The following BAG4 variants were observed in gnomAD, a reference collection of about 807,000 sequenced individuals.
BAG4 encodes the protein BAG cochaperone 4.
Under a neutral mutation model 52.1 loss-of-function variants are expected in BAG4, and 28 were observed. The ratio of observed to expected loss-of-function variants is 0.54; its 90% CI spans 0.40 to 0.74. The LOEUF (loss-of-function observed/expected upper bound fraction) is 0.74, where lower values mean the gene tolerates loss of function less well. Ranked by LOEUF, BAG4 falls within the 30% of genes least tolerant of loss-of-function variation. The probability of loss-of-function intolerance (pLI) is 0.00; values close to 1 mark genes in which losing one functional copy is unlikely to be tolerated. For synonymous variants in BAG4, 208 were observed against 217.0 expected, an observed-to-expected ratio of 0.96 and a Z score of 0.37; for missense variants, 525 against 572.0, an observed-to-expected ratio of 0.92 and a Z score of 0.84.
chr8:38,177,255 G>T, intron 1 of BAG4, 116 bp downstream of exon 1: 8 of 1,379,270 alleles, frequency 5.8e-6, no homozygotes, highest in Non-Finnish European at 6.8e-6. Flanking sequence ...GTTGCGGGGG[G>T]TGTTGGAGAG....
chr8:38,181,885 T>A (rs2130661305), intron 1 of BAG4, among the ~76,000 whole-genome samples: 3 of 25,170 alleles, frequency 1.2e-4, no homozygotes, highest in South Asian at 1.4e-3. Flanking sequence ...CGAGACTATC[T>A]CAAAAAAAAA....
intron 1 of BAG4, among the ~76,000 whole-genome samples, chr8:38,180,097 T>A (rs1803236651): frequency 6.6e-6 from 1 of 152,196 alleles, no homozygotes; most frequent in Non-Finnish European, 1.5e-5. Flanking sequence ...TAGTTGGAGA[T>A]AAAGGTGGAA....
intron 4 of BAG4, among the ~76,000 whole-genome samples, 189 bp from the exon 5 acceptor site, chr8:38,209,819 G>C (rs561370150): frequency 2.6e-5 from 4 of 152,300 alleles, no homozygotes. Context: ...TTGTCTGACA[G>C]GGCACTCCCT....
chr8:38,177,090 C>T lies in BAG4; in HGVS notation c.221C>T (p.Pro74Leu), dbSNP rs768542077. 5 of 1,612,684 alleles carry T rather than the reference C, an allele frequency of 3.1e-6. No individual in the cohort carries two copies. In the South Asian group the frequency reaches 4.4e-5, roughly 14 times the overall value. Residue 74 changes from proline to leucine, a missense_variant, in exon 1 of 5, where the codon CCC becomes CTC. Coordinates refer to ENST00000287322, the MANE Select transcript of BAG4 (RefSeq NM_004874.4). ...GGCGGAGGAGGCGATGGCTACTATCCCTCGGGAGGCGCCTGGCCAGAGCCT... is the reference window on the plus strand; with the variant it reads ...GGCGGAGGAGGCGATGGCTACTATCTCTCGGGAGGCGCCTGGCCAGAGCCT... ...GEGGGGDGYY[P>L]SGGAWPEPGR... is the part of the protein sequence containing the mutation.
At chr8:38,194,964 G>C (rs10958541) in intron 2 of BAG4, among the ~76,000 whole-genome samples, 36,255 of 142,820 alleles carry the variant, frequency 0.25, 4,533 homozygotes, top group East Asian at 0.33. Context: ...ACGCCATTCT[G>C]CTGCCTCAGC....
At chr8:38,188,654 TATATACATGTATACATATACATGTATAC>T (rs1405338308) in intron 1 of BAG4, among the ~76,000 whole-genome samples, 1 of 830 alleles carries the variant, frequency 1.2e-3, no homozygotes, top group Non-Finnish European at 3.0e-3. Context: ...CATGTATACA[TATATACATGTATACATATACATGTATAC>T]ATATATACAT....
chr8:38,201,913 A>T (rs1803686089), intron 2 of BAG4: 1 of 65,682 alleles, frequency 1.5e-5, no homozygotes, highest in Non-Finnish European at 2.8e-5. Context: ...TTTTTTTAAG[A>T]AGCTGTTAAT....
intron 1 of BAG4, among the ~76,000 whole-genome samples, chr8:38,178,856 C>T (rs1213139265): frequency 1.3e-5 from 2 of 152,096 alleles, no homozygotes; most frequent in Non-Finnish European, 2.9e-5. Context: ...AAATCAGGGC[C>T]TGGTGAGATG....
At chr8:38,181,149 G>T (rs1036891101) in intron 1 of BAG4, among the ~76,000 whole-genome samples, 1 of 151,136 alleles carries the variant, frequency 6.6e-6, no homozygotes, top group Non-Finnish European at 1.5e-5. Flanking sequence ...CACCGTGTCA[G>T]CCAGGATGGT....
intron 2 of BAG4, among the ~76,000 whole-genome samples, chr8:38,204,733 A>C (rs1047831043): frequency 6.6e-6 from 1 of 152,116 alleles, no homozygotes; most frequent in Non-Finnish European, 1.5e-5. Flanking sequence ...AATGAGAATC[A>C]CACACTAAAG....
chr8:38,199,035 G>C (rs147098283), intron 2 of BAG4, among the ~76,000 whole-genome samples: 1 of 152,266 alleles, frequency 6.6e-6, no homozygotes, highest in Non-Finnish European at 1.5e-5. Context: ...TACATGCTAA[G>C]ATAATGATAA....
rs1199699003 is a variant in BAG4, at chr8:38,177,059, G to A, written c.190G>A (p.Gly64Arg). 1.2e-6 allele frequency: 2 copies of A among 1,610,746 alleles called. No homozygotes were observed. The highest frequency in any genetic ancestry group is 1.7e-4 in the Middle Eastern group (1 of 6,054). Residue 64 changes from glycine to arginine, a missense_variant, in exon 1 of 5, where the codon GGA becomes AGA. Transcript: ENST00000287322. ...CGGCCCGGCGGAGACCACCTGGCTG[G>A]GAGAAGGCGGAGGAGGCGATGGCTA... ...GGGPAETTWL[G>R]EGGGGDGYYP...
rs1482685022 is a variant in BAG4, at chr8:38,210,051, G to A, written c.932G>A (p.Arg311Gln). 4 of 1,614,088 alleles carry A rather than the reference G, an allele frequency of 2.5e-6. No individual in the cohort carries two copies. Among genetic ancestry groups the A allele is most frequent in the Non-Finnish European group, 2.5e-6 (3 of 1,180,032 alleles). ...PYSQSDQSMN[R>Q]HNFPCSVHQY... Reference sequence around the variant, plus strand: ...AGCCAATCAGATCAAAGCATGAACCGGCACAACTTTCCTTGCAGTGTCCAT... The same window carrying A: ...AGCCAATCAGATCAAAGCATGAACCAGCACAACTTTCCTTGCAGTGTCCAT... The change falls in exon 5 of 5, where the codon CGG becomes CAG. Residue 311 changes from arginine (R) to glutamine (Q), a missense_variant. Arg to Gln is a conservative substitution (Grantham distance 43). Coordinates refer to ENST00000287322, the MANE Select transcript of BAG4 (RefSeq NM_004874.4).
chr8:38,194,329 C>T lies in BAG4; in HGVS notation c.378+1534C>T, dbSNP rs1302697734. Among the ~76,000 whole-genome samples the T allele has an allele frequency of 5.3e-5, 8 of 149,596 alleles. No individual in the cohort carries two copies. The South Asian group carries it at 8.4e-4, about 16-fold the overall frequency. On this transcript the variant is annotated intron_variant, in intron 2 of 4. Coordinates refer to ENST00000287322, the MANE Select transcript of BAG4 (RefSeq NM_004874.4). ...CCTGCAGCTTGCTTCTTTTGCTCAT[C>T]GTTGGTTTTCATCTTTCTGTTATAT...
intron 1 of BAG4, among the ~76,000 whole-genome samples, chr8:38,190,192 G>A (rs1365584896): frequency 1.3e-5 from 2 of 151,946 alleles, no homozygotes; most frequent in African/African-American, 2.4e-5. Flanking sequence ...CCTTGTCCTC[G>A]TGACAATATC....
intron 1 of BAG4, among the ~76,000 whole-genome samples, chr8:38,188,568 CAT>C (rs1184735520): frequency 2.7e-5 from 4 of 150,192 alleles, no homozygotes; most frequent in African/African-American, 7.3e-5. Context: ...CATATAAATA[CAT>C]ATATATACGT....
chr8:38,188,372 C>CA (rs1183726782), intron 1 of BAG4, among the ~76,000 whole-genome samples: 4 of 149,084 alleles, frequency 2.7e-5, no homozygotes, highest in African/African-American at 9.9e-5. Flanking sequence ...TTTAAAGATA[C>CA]AAATAGTTTG....
chr8:38,209,954 T>C (rs1393341036), intron 4 of BAG4, 54 bp from the exon 5 acceptor site: 1 of 1,566,298 alleles, frequency 6.4e-7, no homozygotes, highest in Non-Finnish European at 8.7e-7. Flanking sequence ...AATTTGATGT[T>C]GATGCATTCC....
At chr8:38,188,644 CATGTATA>C (rs1392434263) in intron 1 of BAG4, among the ~76,000 whole-genome samples, 1 of 176 alleles carries the variant, frequency 5.7e-3, no homozygotes, top group Non-Finnish European at 0.029. Flanking sequence ...TACATATATA[CATGTATA>C]CATATATACA....
Sources: gnomAD v4.1 joint callset for allele counts (sites outside exome capture counted in the v4.1 genomes callset) on GRCh38, gnomAD v4.1.1 for gene constraint, MANE v1.5 for transcripts, NCBI Gene and HGNC (gene_info 2026-07-23, HGNC 2026-07-21) for gene names.